The following CEP19 variants were observed in gnomAD, a reference collection of about 807,000 sequenced individuals.
The protein encoded by CEP19 is centrosomal protein of 19 kDa.
A neutral mutation model predicts 17.5 loss-of-function variants in CEP19; 14 were observed. That is an observed-to-expected ratio of 0.80 (90% CI 0.53 to 1.25). The LOEUF (loss-of-function observed/expected upper bound fraction) is 1.25. CEP19 is among the 50% of genes most tolerant of loss of function. CEP19 has a pLI of 0.00. For synonymous variants in CEP19, 59 were observed against 65.5 expected, an observed-to-expected ratio of 0.90 and a Z score of 0.48; for missense variants, 193 against 192.0, an observed-to-expected ratio of 1.01 and a Z score of -0.03.
At position 196,706,317 on chromosome 3, in the gene CEP19, G is replaced by C. The variant is rs1711518302; in HGVS notation, c.*1234C>G. The C allele has an allele frequency of 6.6e-6, 1 of 152,134 alleles. No individual in the cohort carries two copies. The highest frequency in any genetic ancestry group is 2.1e-4 in the South Asian group (1 of 4,824). 9.4% of individuals were successfully genotyped at this position (152,134 alleles called of 1,614,324 possible). A position where few individuals can be genotyped will look rare whatever the true frequency, so the allele number is the denominator to read the frequency against. On this transcript the variant is annotated 3_prime_UTR_variant, in exon 3 of 3. Transcript: ENST00000409690. ...TTATTTAATAAACATCAATTTCCTT[G>C]TAGAAAACATAGAATTTCTACCAAC... is the stretch of plus-strand genomic sequence containing the variant.
At chr3:196,709,115 G>A (rs6785167) in intron 1 of CEP19, among the ~76,000 whole-genome samples, 57,306 of 151,644 alleles carry the variant, frequency 0.38, 11,000 homozygotes, top group East Asian at 0.61. Context: ...ACCTCTTAGT[G>A]TACTGCACTC....
At position 196,708,596 on chromosome 3, in the gene CEP19, T is replaced by A. The variant is rs909736737; in HGVS notation, c.62A>T (p.Tyr21Phe). 4 of 1,614,010 alleles carry A rather than the reference T, an allele frequency of 2.5e-6. No homozygotes were observed. Among genetic ancestry groups the A allele is most frequent in the Non-Finnish European group, 3.4e-6 (4 of 1,179,970 alleles). The stretch of plus-strand genomic sequence containing the variant: ...AATTTTCCCCTTGATTTCACTCTCA[T>A]AGATTAAGATAATAGCTGGAGGCTG... The part of the protein sequence containing the change: ...RFQPPAIILI[Y>F]ESEIKGKIRQ... Residue 21 changes from tyrosine (Y) to phenylalanine (F), a missense_variant, in exon 2 of 3, where the codon TAT becomes TTT. By Grantham distance (22) the Tyr-to-Phe change is conservative (BLOSUM62 3). Transcript: ENST00000409690.
chr3:196,707,529 T>C lies in CEP19; in HGVS notation c.*22A>G. The C allele has an allele frequency of 1.3e-6, 2 of 1,579,804 alleles. No individual in the cohort carries two copies. The highest frequency in any genetic ancestry group is 1.7e-4 in the Middle Eastern group (1 of 5,932). ...AAACATGGATATTCTGCTAGCCCAA[T>C]GCATGTTTTGAGTGTTTGGTATCAG... is the stretch of plus-strand genomic sequence containing the variant. On this transcript the variant is annotated 3_prime_UTR_variant, in exon 3 of 3. Coordinates refer to ENST00000409690, the MANE Select transcript of CEP19 (RefSeq NM_032898.5).
intron 1 of CEP19, among the ~76,000 whole-genome samples, chr3:196,711,221 T>G (rs890217067): frequency 6.6e-6 from 1 of 152,218 alleles, no homozygotes; most frequent in Non-Finnish European, 1.5e-5. Context: ...ACTATCGTCC[T>G]TGGCCCTACT....
At chr3:196,711,891 T>C (rs1711809324) in intron 1 of CEP19, 38 bp downstream of exon 1, 2 of 717,432 alleles carry the variant, frequency 2.8e-6, no homozygotes, top group Non-Finnish European at 5.2e-6. Flanking sequence ...ATTCTCTCCC[T>C]ACTCACGTCT....
At position 196,711,921 on chromosome 3, in the gene CEP19, T is replaced by C. The variant is rs1467340248; in HGVS notation, c.-71+8A>G. The C allele has an allele frequency of 4.2e-6, 3 of 717,492 alleles. No individual in the cohort carries two copies. Among genetic ancestry groups the C allele is most frequent in the Admixed American group, 2.0e-5 (1 of 50,028 alleles). 44.4% of individuals were successfully genotyped at this position (717,492 alleles called of 1,614,324 possible). On this transcript the variant is annotated splice_region_variant and intron_variant, in intron 1 of 2. Coordinates refer to ENST00000409690, the MANE Select transcript of CEP19 (RefSeq NM_032898.5). ...ACGTCTCCACTAGTGCAAGGCTGGC[T>C]TTCTTACCCTTAGAGGAATACAGAA...
Position 196,707,459 on chromosome 3 carries a change from A to G in CEP19, c.*92T>C. 1 of 1,371,156 alleles carries G rather than the reference A, an allele frequency of 7.3e-7. No homozygotes were observed. The highest frequency in any genetic ancestry group is 9.9e-7 in the Non-Finnish European group (1 of 1,012,030). The allele number at this position is 1,371,156 out of a possible 1,614,324, so 84.9% of individuals were successfully genotyped here. ...CATGGTCAATCCCCTATAACCCAACATATTTAGTATTCTTTACAGCTTCTT... is the reference window on the plus strand; with the variant it reads ...CATGGTCAATCCCCTATAACCCAACGTATTTAGTATTCTTTACAGCTTCTT... On this transcript the variant is annotated 3_prime_UTR_variant, in exon 3 of 3. Transcript: ENST00000409690.
At position 196,707,224 on chromosome 3, in the gene CEP19, T is replaced by C. The variant is rs1385110667; in HGVS notation, c.*327A>G. 5.0e-6 allele frequency: 1 copy of C among 201,194 alleles called. No individual in the cohort carries two copies. The highest frequency in any genetic ancestry group is 1.2e-4 in the South Asian group (1 of 8,306). 12.5% of individuals were successfully genotyped at this position (201,194 alleles called of 1,614,324 possible). On this transcript the variant is annotated 3_prime_UTR_variant, in exon 3 of 3. Coordinates refer to ENST00000409690, the MANE Select transcript of CEP19 (RefSeq NM_032898.5). ...TTTTGTATTTTTAGTAGAGGCGAGGTTTCACCATGTTGGCTAGGCTGGTCT... is the reference window on the plus strand; with the variant it reads ...TTTTGTATTTTTAGTAGAGGCGAGGCTTCACCATGTTGGCTAGGCTGGTCT...
chr3:196,707,522 A>G lies in CEP19; in HGVS notation c.*29T>C. The G allele has an allele frequency of 1.3e-6, 2 of 1,569,914 alleles. No individual in the cohort carries two copies. The highest frequency in any genetic ancestry group is 1.2e-5 in the South Asian group (1 of 83,462). Reference sequence around the variant, plus strand: ...TGGTAATAAACATGGATATTCTGCTAGCCCAATGCATGTTTTGAGTGTTTG... The same window carrying G: ...TGGTAATAAACATGGATATTCTGCTGGCCCAATGCATGTTTTGAGTGTTTG... On this transcript the variant is annotated 3_prime_UTR_variant, in exon 3 of 3. Transcript: ENST00000409690.
Position 196,708,676 on chromosome 3 carries a change from G to T in CEP19, c.-19C>A. The T allele has an allele frequency of 6.2e-7, 1 of 1,612,576 alleles. No individual in the cohort carries two copies. Among genetic ancestry groups the T allele is most frequent in the Non-Finnish European group, 8.5e-7 (1 of 1,179,124 alleles). Reference sequence around the variant, plus strand: ...ACATCATTCCCATGTACATGTCCGGGTAAGTCAGAGGAAATCTGATGAATA... The same window carrying T: ...ACATCATTCCCATGTACATGTCCGGTTAAGTCAGAGGAAATCTGATGAATA... On this transcript the variant is annotated 5_prime_UTR_variant, in exon 2 of 3. Coordinates refer to ENST00000409690, the MANE Select transcript of CEP19 (RefSeq NM_032898.5).
In CEP19 at chr3:196,707,602, G is replaced by A. The variant is rs375161676; in HGVS notation, c.441C>T (p.Asp147=). ...VYDIEVEFPQ[D]DQLQSCGWDT... Reference sequence around the variant, plus strand: ...CCCAGCCACAGGACTGCAGTTGATCGTCCTGTGGAAATTCAACCTCAATGT... The same window carrying A: ...CCCAGCCACAGGACTGCAGTTGATCATCCTGTGGAAATTCAACCTCAATGT... Residue 147 remains aspartate, a synonymous_variant, in exon 3 of 3, where the codon GAC becomes GAT. Coordinates refer to ENST00000409690, the MANE Select transcript of CEP19 (RefSeq NM_032898.5). The A allele has an allele frequency of 2.7e-5, 43 of 1,613,360 alleles. No individual in the cohort carries two copies. The highest frequency in any genetic ancestry group is 3.5e-5 in the Non-Finnish European group (41 of 1,179,900).
rs755025921 is a variant in CEP19, at chr3:196,708,715, T to C, written c.-58A>G. 1.3e-6 allele frequency: 2 copies of C among 1,572,576 alleles called. No individual in the cohort carries two copies. Among genetic ancestry groups the C allele is most frequent in the South Asian group, 2.3e-5 (2 of 88,718 alleles). On this transcript the variant is annotated 5_prime_UTR_variant, in exon 2 of 3. An upstream start codon of the reference 5' UTR is lost. Coordinates refer to ENST00000409690, the MANE Select transcript of CEP19 (RefSeq NM_032898.5). ...ATCTGATGAATATGTGTAAGTTGCA[T>C]AATGACTTCCTGCTAAAGGGAAAAA...
intron 2 of CEP19, 84 bp downstream of exon 2, chr3:196,708,444 C>T: frequency 1.6e-6 from 2 of 1,251,200 alleles, no homozygotes; most frequent in Non-Finnish European, 2.3e-6. Context: ...TCCAGTGTCA[C>T]ACATCCAGTC....
At chr3:196,710,842 TAAA>T (rs71161953) in intron 1 of CEP19, among the ~76,000 whole-genome samples, 3,267 of 98,132 alleles carry the variant, frequency 0.033, 92 homozygotes, top group African/African-American at 0.046. Flanking sequence ...CGCCTATTCT[TAAA>T]AAAAAAAAAA....
chr3:196,710,935 TTTTCCTTCTC>T (rs1711738990), intron 1 of CEP19, among the ~76,000 whole-genome samples: 1 of 149,162 alleles, frequency 6.7e-6, no homozygotes, highest in Admixed American at 6.7e-5. Context: ...TTTCTCCTTC[TTTTCCTTCTC>T]TTTTCTTGCT....
intron 2 of CEP19, 75 bp from the exon 3 acceptor site, chr3:196,707,987 C>A: frequency 6.9e-7 from 1 of 1,453,142 alleles, no homozygotes; most frequent in Admixed American, 2.2e-5. Flanking sequence ...CTGCAACAGC[C>A]AAAACAGAAC....
At chr3:196,710,842 TAAAAAAAAA>T (rs71161953) in intron 1 of CEP19, among the ~76,000 whole-genome samples, 4 of 98,218 alleles carry the variant, frequency 4.1e-5, no homozygotes, top group Non-Finnish European at 5.8e-5. Flanking sequence ...CGCCTATTCT[TAAAAAAAAA>T]AAAAAAAAAA....
At position 196,708,735 on chromosome 3, in the gene CEP19, G is replaced by GA. The variant is rs76850793; in HGVS notation, c.-70-9dup. On this transcript the variant is annotated splice_polypyrimidine_tract_variant and intron_variant, in intron 1 of 2. Coordinates refer to ENST00000409690, the MANE Select transcript of CEP19 (RefSeq NM_032898.5). ...TTGCATAATGACTTCCTGCTAAAGG[G>GA]AAAAAACAACTAGGTGTTGGATAAA... 76,025 of 1,455,198 alleles carry GA rather than the reference G, an allele frequency of 0.052. 9,520 individuals are homozygous for GA. The East Asian group carries it at 0.56, about 11-fold the overall frequency. The allele number at this position is 1,455,198 out of a possible 1,614,324, so 90.1% of individuals were successfully genotyped here.
In CEP19 at chr3:196,707,822, A is replaced by G; in HGVS notation, c.221T>C (p.Phe74Ser). ...CGACAAGTAACCTCGTAAAAAACTGAATAGCTTCTCTAGCTGCCTCAGGGA... is the reference window on the plus strand; with the variant it reads ...CGACAAGTAACCTCGTAAAAAACTGGATAGCTTCTCTAGCTGCCTCAGGGA... ...QVSLRQLEKL[F>S]SFLRGYLSGQ... Residue 74 changes from phenylalanine to serine, a missense_variant, in exon 3 of 3, where the codon TTC becomes TCC. Phe to Ser is a radical substitution (Grantham distance 155, BLOSUM62 -2). Coordinates refer to ENST00000409690, the MANE Select transcript of CEP19 (RefSeq NM_032898.5). 4 of 1,614,188 alleles carry G rather than the reference A, an allele frequency of 2.5e-6. No homozygotes were observed. Among genetic ancestry groups the G allele is most frequent in the Non-Finnish European group, 3.4e-6 (4 of 1,180,038 alleles).
Sources: gnomAD v4.1 joint callset for allele counts (sites outside exome capture counted in the v4.1 genomes callset) on GRCh38, gnomAD v4.1.1 for gene constraint, MANE v1.5 for transcripts, NCBI Gene and HGNC (gene_info 2026-07-23, HGNC 2026-07-21) for gene names.